BRD3: variants seen among roughly 807,000 people sequenced by gnomAD.
BRD3 encodes bromodomain-containing protein 3.
A neutral mutation model predicts 66.8 loss-of-function variants in BRD3; 17 were observed. The ratio of observed to expected loss-of-function variants is 0.25; its 90% CI spans 0.17 to 0.38. The LOEUF (loss-of-function observed/expected upper bound fraction) is 0.38. BRD3 is among the 10% of genes least tolerant of loss of function. The probability of loss-of-function intolerance (pLI) is 1.00; values close to 1 mark genes in which losing one functional copy is unlikely to be tolerated. For synonymous variants in BRD3, 421 were observed against 393.2 expected, an observed-to-expected ratio of 1.07 and a Z score of -0.84; for missense variants, 713 against 956.1, an observed-to-expected ratio of 0.75 and a Z score of 3.35.
At chr9:134,047,976 C>G in intron 6 of BRD3, 107 bp downstream of exon 6, 1 of 1,395,490 alleles carries the variant, frequency 7.2e-7, no homozygotes, top group Admixed American at 3.1e-5. Context: ...CTCCGGCAAG[C>G]GAGACCCTGC....
intron 9 of BRD3, among the ~76,000 whole-genome samples, chr9:134,038,247 C>T (rs466681): frequency 4.0e-5 from 6 of 151,272 alleles, no homozygotes; most frequent in Admixed American, 1.3e-4. Flanking sequence ...CTCTACCTCC[C>T]GGGTTCAAGA....
rs768176245 is a variant in BRD3, at chr9:134,051,549, C to T, written c.499+13G>A. 2.0e-6 allele frequency: 3 copies of T among 1,530,282 alleles called. No homozygotes were observed. The highest frequency in any genetic ancestry group is 5.0e-5 in the Admixed American group (2 of 40,280). 94.8% of individuals were successfully genotyped at this position (1,530,282 alleles called of 1,614,324 possible). A position where few individuals can be genotyped will look rare whatever the true frequency, so the allele number is the denominator to read the frequency against. ...GAGAGGCCCAGCCCCTCGCCTGCCCCAGCTCCCTTTACCTGCGCTCTGGGC... is the reference window on the plus strand; with the variant it reads ...GAGAGGCCCAGCCCCTCGCCTGCCCTAGCTCCCTTTACCTGCGCTCTGGGC... On this transcript the variant is annotated intron_variant, in intron 4 of 11. Transcript: ENST00000303407.
intron 4 of BRD3, among the ~76,000 whole-genome samples, chr9:134,051,230 C>T (rs373767275): frequency 8.1e-4 from 123 of 152,316 alleles, no homozygotes; most frequent in Non-Finnish European, 1.4e-3. Context: ...AGGCCCCACG[C>T]GTCGTGGAAG....
rs1257887599 is a variant in BRD3, at chr9:134,045,426, AAC to A, written c.1087-7_1087-6del. On this transcript the variant is annotated splice_polypyrimidine_tract_variant and splice_region_variant and intron_variant, in intron 6 of 11. Coordinates refer to ENST00000303407, the MANE Select transcript of BRD3 (RefSeq NM_007371.4). This position sits in a 1 kb window ranked among gnomAD's most constrained non-coding sequence, Gnocchi z 4.8. Reference sequence around the variant, plus strand: ...CTCTCGGCCATCCATCTTCCTCTGCAACACACAGTGACAGGGGCCAGTGAGCG... The same window carrying A: ...CTCTCGGCCATCCATCTTCCTCTGCAACACAGTGACAGGGGCCAGTGAGCG... 1.9e-6 allele frequency: 3 copies of A among 1,613,234 alleles called. No individual in the cohort carries two copies. Among genetic ancestry groups the A allele is most frequent in the East Asian group, 2.2e-5 (1 of 44,886 alleles).
At chr9:134,060,778 C>T (rs1414581921) in intron 1 of BRD3, among the ~76,000 whole-genome samples, 3 of 152,290 alleles carry the variant, frequency 2.0e-5, no homozygotes, top group South Asian at 2.1e-4. Flanking sequence ...TGAGGTGGCC[C>T]GAATCCTACC....
At chr9:134,062,309 G>A (rs1830561368) in intron 1 of BRD3, among the ~76,000 whole-genome samples, 1 of 152,174 alleles carries the variant, frequency 6.6e-6, no homozygotes, top group Non-Finnish European at 1.5e-5. Context: ...CTGTCCCGGG[G>A]CGCTTCAGCA....
intron 7 of BRD3, among the ~76,000 whole-genome samples, chr9:134,043,868 C>A (rs1441715359): frequency 6.6e-6 from 1 of 152,146 alleles, no homozygotes; most frequent in East Asian, 1.9e-4. Context: ...TTTTTAAAAT[C>A]TGTTGTAGAG....
In BRD3 at chr9:134,045,459, C is replaced by A; in HGVS notation, c.1087-38G>T. ...GTGACAGGGGCCAGTGAGCGTGGCC[C>A]GTGGCATCAGGACTCTCTGCCACAC... On this transcript the variant is annotated intron_variant, in intron 6 of 11. Coordinates refer to ENST00000303407, the MANE Select transcript of BRD3 (RefSeq NM_007371.4). The surrounding 1 kb of genome is among the most constrained non-coding windows in gnomAD (Gnocchi z 4.8). The A allele has an allele frequency of 6.2e-7, 1 of 1,611,842 alleles. No individual in the cohort carries two copies. Among genetic ancestry groups the A allele is most frequent in the Non-Finnish European group, 8.5e-7 (1 of 1,179,192 alleles).
intron 1 of BRD3, among the ~76,000 whole-genome samples, chr9:134,056,229 T>C (rs916011088): frequency 3.9e-5 from 6 of 152,212 alleles, no homozygotes; most frequent in Non-Finnish European, 7.3e-5. Context: ...CAGCATGTGC[T>C]CACTGAATGC....
At position 134,036,340 on chromosome 9, in the gene BRD3, G is replaced by GAGCA. The variant is rs1413712517; in HGVS notation, c.1644-20_1644-17dup. ...CTTCAGCTGTCTGGGGCAGGAGACAGAGCAACGTGGTGTTGAGTCTCCGTC... is the reference window on the plus strand; with the variant it reads ...CTTCAGCTGTCTGGGGCAGGAGACAGAGCAAGCAACGTGGTGTTGAGTCTCCGTC... On this transcript the variant is annotated splice_polypyrimidine_tract_variant and intron_variant, in intron 9 of 11. Transcript: ENST00000303407. The GAGCA allele has an allele frequency of 6.3e-7, 1 of 1,586,988 alleles. No homozygotes were observed. The highest frequency in any genetic ancestry group is 1.2e-5 in the South Asian group (1 of 86,784).
At position 134,037,396 on chromosome 9, in the gene BRD3, C is replaced by A. The variant is rs190558069; in HGVS notation, c.1644-1072G>T. Among the ~76,000 whole-genome samples, 665 of 152,232 alleles carry A rather than the reference C, an allele frequency of 4.4e-3. 4 individuals are homozygous for A. The highest frequency in any genetic ancestry group is 0.015 in the African/African-American group (638 of 41,536). ...AGACTAGCCTGGCCAAATGGTGAAA[C>A]CCTGTCTCTACTAAAAATACAAAAA... On this transcript the variant is annotated intron_variant, in intron 9 of 11. Transcript: ENST00000303407.
chr9:134,056,403 G>A (rs1228013142), intron 1 of BRD3, among the ~76,000 whole-genome samples: 2 of 152,156 alleles, frequency 1.3e-5, no homozygotes, highest in Non-Finnish European at 2.9e-5. Context: ...GAGGCATGGT[G>A]ATCTCACCTC....
intron 7 of BRD3, 125 bp from the exon 8 acceptor site, chr9:134,042,076 G>A: frequency 8.9e-7 from 1 of 1,122,378 alleles, no homozygotes; most frequent in Non-Finnish European, 1.2e-6. Flanking sequence ...GGTGGGGCTA[G>A]GAGGAGACAG....
chr9:134,050,314 T>G, intron 5 of BRD3, 60 bp downstream of exon 5: 1 of 1,532,538 alleles, frequency 6.5e-7, no homozygotes, highest in Non-Finnish European at 8.9e-7. Context: ...GCTCCTGCCC[T>G]GACCTCAGGA....
chr9:134,065,055 C>G (rs115020599), intron 1 of BRD3, among the ~76,000 whole-genome samples: 9 of 152,244 alleles, frequency 5.9e-5, no homozygotes, highest in Non-Finnish European at 1.2e-4. Flanking sequence ...AAACCTTTTA[C>G]GGCAAGAAGC....
chr9:134,031,331 GC>G lies in BRD3; in HGVS notation c.*2258del. 6 of 207,868 alleles carry G rather than the reference GC, an allele frequency of 2.9e-5. No homozygotes were observed. The highest frequency in any genetic ancestry group is 7.1e-5 in the East Asian group (1 of 14,010). 12.9% of individuals were successfully genotyped at this position (207,868 alleles called of 1,614,324 possible). A position where few individuals can be genotyped will look rare whatever the true frequency, so the allele number is the denominator to read the frequency against. On this transcript the variant is annotated 3_prime_UTR_variant, in exon 12 of 12. Transcript: ENST00000303407. ...TGGCTGGAGGGGCATTGCAAGGAGC[GC>G]CCCCCAGCCCCAGGCACCCCCGGCT...
chr9:134,034,844 A>G lies in BRD3; in HGVS notation c.1937-15T>C. The G allele has an allele frequency of 6.2e-7, 1 of 1,610,522 alleles. No homozygotes were observed. Among genetic ancestry groups the G allele is most frequent in the Non-Finnish European group, 8.5e-7 (1 of 1,179,942 alleles). ...CCCGCTTGCTGCTGTCGGGGAACAA[A>G]TGGGCACTCAGACTGCAGAGCAGAC... On this transcript the variant is annotated splice_polypyrimidine_tract_variant and intron_variant, in intron 10 of 11. Transcript: ENST00000303407.
chr9:134,051,844 T>A (rs909577360), intron 3 of BRD3, 135 bp from the exon 4 acceptor site: 3 of 738,854 alleles, frequency 4.1e-6, no homozygotes, highest in Non-Finnish European at 6.0e-6. Flanking sequence ...ACAAAATGAA[T>A]ATATGTGTGT....
Position 134,051,880 on chromosome 9 carries a change from GTTTTTTTTGTTTT to G in BRD3, c.352-184_352-172del, listed in dbSNP as rs1343660692. Among the ~76,000 whole-genome samples the G allele has an allele frequency of 4.4e-3, 501 of 113,622 alleles. 18 individuals are homozygous for G. The highest frequency in any genetic ancestry group is 0.017 in the African/African-American group (456 of 27,602). 74.5% of individuals were successfully genotyped at this position (113,622 alleles called of 152,430 possible). A position where few individuals can be genotyped will look rare whatever the true frequency, so the allele number is the denominator to read the frequency against. Reference sequence around the variant, plus strand: ...GTGTGTGTGTGTGTGTGTGTGTGTTGTTTTTTTTGTTTTTTTTTTTTTTTTTTTGAGATGGAGT... The same window carrying G: ...GTGTGTGTGTGTGTGTGTGTGTGTTGTTTTTTTTTTTTTTTGAGATGGAGT... On this transcript the variant is annotated intron_variant, in intron 3 of 11. Coordinates refer to ENST00000303407, the MANE Select transcript of BRD3 (RefSeq NM_007371.4).
Sources: allele counts gnomAD v4.1 joint callset (sites outside exome capture counted in the v4.1 genomes callset), GRCh38; gene constraint gnomAD v4.1.1; non-coding constraint Gnocchi (gnomAD v3.1); transcripts MANE v1.5; gene names NCBI Gene and HGNC (gene_info 2026-07-23, HGNC 2026-07-21).